MMRN1: variants seen among roughly 807,000 people sequenced by gnomAD.
MMRN1 encodes the protein multimerin-1.
A neutral mutation model predicts 100.7 loss-of-function variants in MMRN1; 94 were observed. The ratio of observed to expected loss-of-function variants is 0.93; its 90% CI spans 0.79 to 1.11. The LOEUF (loss-of-function observed/expected upper bound fraction) is 1.11. Ranked by LOEUF, MMRN1 falls within the 50% of genes least tolerant of loss-of-function variation. The pLI, the probability that MMRN1 is intolerant of heterozygous loss-of-function variation, is 0.00. For synonymous variants in MMRN1, 575 were observed against 505.0 expected, an observed-to-expected ratio of 1.14 and a Z score of -1.86; for missense variants, 1,606 against 1,439.1, an observed-to-expected ratio of 1.12 and a Z score of -1.88.
chr4:89,941,274 C>T (rs1363228061), intron 6 of MMRN1, among the ~76,000 whole-genome samples: 2 of 152,142 alleles, frequency 1.3e-5, no homozygotes, highest in African/African-American at 2.4e-5. Flanking sequence ...CTCACAGGAT[C>T]TGGCATATCC....
chr4:89,900,478 A>G (rs1009805303), intron 1 of MMRN1, among the ~76,000 whole-genome samples: 1 of 152,000 alleles, frequency 6.6e-6, no homozygotes, highest in Admixed American at 6.6e-5. Context: ...TTACCACCCA[A>G]TGTAAAGTTA....
upstream of MMRN1, among the ~76,000 whole-genome samples, chr4:89,893,315 T>C (rs1473083104): frequency 6.6e-6 from 1 of 151,588 alleles, no homozygotes; most frequent in Non-Finnish European, 1.5e-5. Flanking sequence ...ATAAATACTC[T>C]CTAGTAGGTC....
Position 89,936,251 on chromosome 4 carries a change from T to C in MMRN1, c.2571T>C (p.Asn857=), listed in dbSNP as rs928441684. Residue 857 remains asparagine, a synonymous_variant, in exon 6 of 8, where the codon AAT becomes AAC. Coordinates refer to ENST00000264790, the MANE Select transcript of MMRN1 (RefSeq NM_007351.3). ...TCTTAACTACCAAGATTTCCAAAAA[T>C]TTTGAGACTCGGTTGCAAGACATTG... ...KLLLTTKISK[N]FETRLQDIES... 2.3e-5 allele frequency: 37 copies of C among 1,603,288 alleles called. No homozygotes were observed. Among genetic ancestry groups the C allele is most frequent in the Middle Eastern group, 3.3e-4 (2 of 5,992 alleles).
intron 1 of MMRN1, among the ~76,000 whole-genome samples, chr4:89,884,802 G>A (rs1720899063): frequency 6.6e-6 from 1 of 152,052 alleles, no homozygotes; most frequent in Non-Finnish European, 1.5e-5. Flanking sequence ...TATGTACACA[G>A]ACAAGTCATT....
intron 1 of MMRN1, among the ~76,000 whole-genome samples, chr4:89,903,897 G>A (rs376454421): frequency 1.2e-3 from 151 of 127,120 alleles, no homozygotes; most frequent in South Asian, 1.3e-3. Flanking sequence ...TTCAGGATTA[G>A]AAAAAAAAAA....
upstream of MMRN1, among the ~76,000 whole-genome samples, chr4:89,893,957 A>G (rs1167447983): frequency 1.3e-5 from 2 of 152,162 alleles, no homozygotes; most frequent in Non-Finnish European, 2.9e-5. Context: ...CTACCAGAAA[A>G]AAACCCATAG....
chr4:89,950,982 G>A (rs1723148228), intron 6 of MMRN1, among the ~76,000 whole-genome samples: 1 of 151,980 alleles, frequency 6.6e-6, no homozygotes, highest in South Asian at 2.1e-4. Flanking sequence ...TTTGAAAATG[G>A]TGGTTTTCAA....
At chr4:89,892,224 T>C (rs1345390827), upstream of MMRN1, among the ~76,000 whole-genome samples, 1 of 151,858 alleles carries the variant, frequency 6.6e-6, no homozygotes, top group Non-Finnish European at 1.5e-5. Context: ...GATTTTTATC[T>C]TATAAAATAT....
intron 1 of MMRN1, among the ~76,000 whole-genome samples, chr4:89,897,875 T>A (rs1442136): frequency 2.0e-5 from 3 of 152,036 alleles, no homozygotes; most frequent in African/African-American, 7.2e-5. Context: ...AATGTTAATA[T>A]GTGCTATGAG....
intron 1 of MMRN1, 92 bp from the exon 2 acceptor site, chr4:89,909,184 C>A: frequency 7.2e-7 from 1 of 1,383,766 alleles, no homozygotes; most frequent in Non-Finnish European, 9.9e-7. Flanking sequence ...TATAGTATGG[C>A]AAAAATAAAT....
chr4:89,897,143 CTAAT>C (rs2110580666), intron 1 of MMRN1, among the ~76,000 whole-genome samples: 1 of 152,108 alleles, frequency 6.6e-6, no homozygotes, highest in Non-Finnish European at 1.5e-5. Context: ...TTTTTAAAAA[CTAAT>C]TACAGTAAAA....
At chr4:89,925,959 T>C (rs77705180) in intron 4 of MMRN1, among the ~76,000 whole-genome samples, 72 of 152,254 alleles carry the variant, frequency 4.7e-4, no homozygotes, top group African/African-American at 1.6e-3. Context: ...ATGTTGTTGC[T>C]TTGTTTTTTA....
At chr4:89,929,314 A>G (rs1277222165) in intron 5 of MMRN1, among the ~76,000 whole-genome samples, 1 of 152,170 alleles carries the variant, frequency 6.6e-6, no homozygotes, top group East Asian at 1.9e-4. Flanking sequence ...GATATTTAAT[A>G]TATCATCTAC....
intron 6 of MMRN1, among the ~76,000 whole-genome samples, chr4:89,937,005 T>C (rs112488779): frequency 6.6e-5 from 10 of 152,174 alleles, no homozygotes; most frequent in African/African-American, 2.4e-4. Flanking sequence ...ATATTTCTAG[T>C]GTATATTTGG....
intron 3 of MMRN1, among the ~76,000 whole-genome samples, chr4:89,912,887 G>A (rs1182650743): frequency 6.6e-6 from 1 of 151,036 alleles, no homozygotes; most frequent in Non-Finnish European, 1.5e-5. Context: ...TATTATTTAT[G>A]GTTTTACTAG....
exon 1 of MMRN1, chr4:89,879,582 C>T (rs1233033533): frequency 6.6e-6 from 1 of 152,068 alleles, no homozygotes; most frequent in Non-Finnish European, 1.5e-5. Flanking sequence ...TTGGTTATAA[C>T]CACGGGCAAA....
chr4:89,909,284 G>T lies in MMRN1; in HGVS notation c.632G>T (p.Cys211Phe). ...NFETTRGKNW[C>F]AYVHTRLSPT... ...ATTATGATCTTCTTTAGGAATTGGT[G>T]TGCTTATGTACATACCAGGTTATCT... The change falls in exon 2 of 8, where the codon TGT (cysteine) becomes TTT (phenylalanine). Residue 211 changes from cysteine (C) to phenylalanine (F), a missense_variant. Coordinates refer to ENST00000264790, the MANE Select transcript of MMRN1 (RefSeq NM_007351.3). 1 of 1,592,434 alleles carries T rather than the reference G, an allele frequency of 6.3e-7. No homozygotes were observed. Among genetic ancestry groups the T allele is most frequent in the East Asian group, 2.3e-5 (1 of 44,344 alleles).
At chr4:89,910,946 C>T (rs559026744) in intron 2 of MMRN1, among the ~76,000 whole-genome samples, 7 of 151,414 alleles carry the variant, frequency 4.6e-5, no homozygotes, top group Admixed American at 4.0e-4. Context: ...GTGGCAAACT[C>T]CAGGATAATA....
Position 89,927,978 on chromosome 4 carries a change from A to T in MMRN1, c.1129+10A>T. ...CAATCTCTTCTAAAAGGTAAAAATGAAATAAAATAAAATATTCATTCAGTA... is the reference window on the plus strand; with the variant it reads ...CAATCTCTTCTAAAAGGTAAAAATGTAATAAAATAAAATATTCATTCAGTA... On this transcript the variant is annotated intron_variant, in intron 5 of 7. Coordinates refer to ENST00000264790, the MANE Select transcript of MMRN1 (RefSeq NM_007351.3). 6.6e-7 allele frequency: 1 copy of T among 1,521,662 alleles called. No individual in the cohort carries two copies. The highest frequency in any genetic ancestry group is 8.9e-7 in the Non-Finnish European group (1 of 1,125,622). 94.3% of individuals were successfully genotyped at this position (1,521,662 alleles called of 1,614,324 possible). A position where few individuals can be genotyped will look rare whatever the true frequency, so the allele number is the denominator to read the frequency against.
Sources: gnomAD v4.1 joint callset for allele counts (sites outside exome capture counted in the v4.1 genomes callset) on GRCh38, gnomAD v4.1.1 for gene constraint, MANE v1.5 for transcripts, NCBI Gene and HGNC (gene_info 2026-07-23, HGNC 2026-07-21) for gene names.